Variants in SH3BP4 observed in about 807,000 individuals in gnomAD.
SH3BP4 encodes the protein SH3 domain-binding protein 4.
In SH3BP4, 33 loss-of-function variants were observed where a neutral mutation model predicts 65.5. The observed-to-expected ratio is 0.50, with a 90% CI of 0.38 to 0.67. The LOEUF is 0.67. SH3BP4 is among the 30% of genes least tolerant of loss of function. The pLI is 0.00. For missense variants in SH3BP4, 1,134 were observed against 1,261.4 expected, an observed-to-expected ratio of 0.90 and a Z score of 1.53; for synonymous variants, 552 against 545.5, an observed-to-expected ratio of 1.01 and a Z score of -0.17.
chr2:234,961,191 C>T (rs550527265), intron 1 of SH3BP4, among the ~76,000 whole-genome samples: 199 of 152,292 alleles, frequency 1.3e-3, no homozygotes, highest in African/African-American at 4.6e-3. Flanking sequence ...TGGAGTTGGG[C>T]AGTTTAAATG....
chr2:235,040,960 A>G lies in SH3BP4; in HGVS notation c.191A>G (p.Lys64Arg), dbSNP rs775816572. 5.6e-6 allele frequency: 9 copies of G among 1,614,068 alleles called. No individual in the cohort carries two copies. In the Admixed American group the frequency reaches 1.5e-4, roughly 27 times the overall value. Residue 64 changes from lysine to arginine, a missense_variant, in exon 4 of 6, where the codon AAG becomes AGG. Physicochemically the swap from Lys to Arg is conservative, Grantham distance 26. Coordinates refer to ENST00000392011, the MANE Select transcript of SH3BP4 (RefSeq NM_014521.3). ...AATGCAAAGGAAGTGATTGCGATCA[A>G]GGACTATTGCCCCACCAACTTCACC... ...FGNAKEVIAIKDYCPTNFTTL... is the reference protein window; with the variant it reads ...FGNAKEVIAIRDYCPTNFTTL...
At position 235,026,766 on chromosome 2, in the gene SH3BP4, C is replaced by T. The variant is rs572527985; in HGVS notation, c.-132-8105C>T. Among the ~76,000 whole-genome samples the T allele has an allele frequency of 3.7e-4, 56 of 152,278 alleles. No individual in the cohort carries two copies. Among genetic ancestry groups the T allele is most frequent in the African/African-American group, 1.2e-3 (51 of 41,564 alleles). ...GCGTGGTCTTGGCTCTGAATAACCG[C>T]TGCTACCTCCTAAATTGAACTCAGT... On this transcript the variant is annotated intron_variant, in intron 2 of 5. Coordinates refer to ENST00000392011, the MANE Select transcript of SH3BP4 (RefSeq NM_014521.3). The surrounding 1 kb of genome is among the most constrained non-coding windows in gnomAD (Gnocchi z 4.6).
At chr2:234,986,480 A>T (rs1056692016) in intron 1 of SH3BP4, among the ~76,000 whole-genome samples, 6 of 152,234 alleles carry the variant, frequency 3.9e-5, no homozygotes, top group African/African-American at 1.4e-4. Context: ...CCATGGGAAA[A>T]GGAAATGCAG....
chr2:234,969,949 CCT>C (rs777803192), intron 1 of SH3BP4, among the ~76,000 whole-genome samples: 18 of 148,936 alleles, frequency 1.2e-4, no homozygotes, highest in African/African-American at 4.1e-4. Context: ...ACACACACTC[CCT>C]GTCTCTCACA....
At chr2:234,963,568 G>A (rs1692765431) in intron 1 of SH3BP4, among the ~76,000 whole-genome samples, 1 of 152,204 alleles carries the variant, frequency 6.6e-6, no homozygotes, top group African/African-American at 2.4e-5. Context: ...TAATGTTGAT[G>A]CCTTAAACGC....
At chr2:235,006,246 G>A (rs114348425) in intron 2 of SH3BP4, among the ~76,000 whole-genome samples, 95 of 152,332 alleles carry the variant, frequency 6.2e-4, no homozygotes, top group African/African-American at 2.0e-3. Context: ...TTTGTTCCGC[G>A]AGGATTTTTT....
At chr2:234,954,853 T>C (rs1692552618) in intron 1 of SH3BP4, among the ~76,000 whole-genome samples, 1 of 152,088 alleles carries the variant, frequency 6.6e-6, no homozygotes, top group Non-Finnish European at 1.5e-5. Flanking sequence ...TACAGAGCCC[T>C]TGACCCAAAC....
Position 234,952,541 on chromosome 2 carries a change from A to C in SH3BP4, c.-207+371A>C, listed in dbSNP as rs1692496529. Among the ~76,000 whole-genome samples, 1 of 150,790 alleles carries C rather than the reference A, an allele frequency of 6.6e-6. No individual in the cohort carries two copies. Among genetic ancestry groups the C allele is most frequent in the Non-Finnish European group, 1.5e-5 (1 of 67,676 alleles). ...CGGGGTGGCCTCCCTGGGCAACCGGACGCGTCCTCGGGCGCAAATCGGGGG... is the reference window on the plus strand; with the variant it reads ...CGGGGTGGCCTCCCTGGGCAACCGGCCGCGTCCTCGGGCGCAAATCGGGGG... On this transcript the variant is annotated intron_variant, in intron 1 of 5. Transcript: ENST00000392011. The surrounding 1 kb of genome is among the most constrained non-coding windows in gnomAD (Gnocchi z 6.5).
intron 2 of SH3BP4, among the ~76,000 whole-genome samples, chr2:235,027,857 T>C (rs1384769179): frequency 6.6e-6 from 1 of 152,260 alleles, no homozygotes; most frequent in Admixed American, 6.5e-5. Context: ...TCTCGTTAGG[T>C]TGGTTTTTCT....
chr2:235,054,072 T>G lies in SH3BP4; in HGVS notation c.*256T>G. The G allele has an allele frequency of 2.3e-6, 1 of 434,232 alleles. No individual in the cohort carries two copies. Among genetic ancestry groups the G allele is most frequent in the East Asian group, 3.7e-5 (1 of 26,840 alleles). The allele number at this position is 434,232 out of a possible 1,614,324, so 26.9% of individuals were successfully genotyped here. ...ATAAATTTAAATTTAAAATCACTTT[T>G]TTAACGAATGGGGGGAAGGGATCTA... On this transcript the variant is annotated 3_prime_UTR_variant, in exon 6 of 6. Coordinates refer to ENST00000392011, the MANE Select transcript of SH3BP4 (RefSeq NM_014521.3).
chr2:234,960,948 G>C (rs1298797500), intron 1 of SH3BP4, among the ~76,000 whole-genome samples: 1 of 152,204 alleles, frequency 6.6e-6, no homozygotes, highest in African/African-American at 2.4e-5. Context: ...CGTTTTCACA[G>C]ACTGCAATAT....
chr2:235,044,059 A>G (rs183031205), intron 4 of SH3BP4, among the ~76,000 whole-genome samples: 33 of 152,372 alleles, frequency 2.2e-4, no homozygotes, highest in Admixed American at 1.2e-3. Flanking sequence ...TAGATTCCCA[A>G]CAGGGTCTCT....
At chr2:235,043,332 G>A (rs1160299960) in intron 4 of SH3BP4, 85 bp downstream of exon 4, 18 of 1,147,290 alleles carry the variant, frequency 1.6e-5, no homozygotes, top group African/African-American at 1.2e-4. Flanking sequence ...GGCGTGGGCC[G>A]TGGTGTCGTA....
intron 2 of SH3BP4, among the ~76,000 whole-genome samples, chr2:234,999,153 G>A (rs1017454228): frequency 3.9e-5 from 6 of 152,212 alleles, no homozygotes; most frequent in African/African-American, 9.6e-5. Flanking sequence ...AGAAAGAAAC[G>A]TGAGCTGCAC....
At chr2:235,014,278 C>T (rs763282016) in intron 2 of SH3BP4, among the ~76,000 whole-genome samples, 2 of 152,138 alleles carry the variant, frequency 1.3e-5, no homozygotes, top group African/African-American at 2.4e-5. Flanking sequence ...GTCCACTCAG[C>T]GAGCGTGGAG....
rs527643179 is a variant in SH3BP4 at position 234,977,671 on chromosome 2, C to G, written c.-206-17632C>G. Among the ~76,000 whole-genome samples, 4 of 152,248 alleles carry G rather than the reference C, an allele frequency of 2.6e-5. No homozygotes were observed. In the East Asian group the frequency reaches 7.8e-4, roughly 30 times the overall value. On this transcript the variant is annotated intron_variant, in intron 1 of 5. Coordinates refer to ENST00000392011, the MANE Select transcript of SH3BP4 (RefSeq NM_014521.3). The surrounding 1 kb of genome is among the most constrained non-coding windows in gnomAD (Gnocchi z 5.1). Reference sequence around the variant, plus strand: ...GAGAGTGTCTCTCCCCCAAAGAGGGCTGGTTCAAGTATGAATATTCACAGC... The same window carrying G: ...GAGAGTGTCTCTCCCCCAAAGAGGGGTGGTTCAAGTATGAATATTCACAGC...
rs1244237117 is a variant in SH3BP4, at chr2:235,055,274, C to T, written c.*1458C>T. 6.6e-6 allele frequency: 1 copy of T among 152,364 alleles called. No homozygotes were observed. Among genetic ancestry groups the T allele is most frequent in the Non-Finnish European group, 1.5e-5 (1 of 68,042 alleles). 9.4% of individuals were successfully genotyped at this position (152,364 alleles called of 1,614,324 possible). A position where few individuals can be genotyped will look rare whatever the true frequency, so the allele number is the denominator to read the frequency against. ...ATTCTCTAAAACTGCTTTCTTGAAA[C>T]ATGTTACTTCCTTAGTATAATCAAT... On this transcript the variant is annotated 3_prime_UTR_variant, in exon 6 of 6. Coordinates refer to ENST00000392011, the MANE Select transcript of SH3BP4 (RefSeq NM_014521.3).
intron 1 of SH3BP4, among the ~76,000 whole-genome samples, chr2:234,970,087 ACACT>A (rs758897120): frequency 8.3e-4 from 126 of 151,820 alleles, no homozygotes; most frequent in Admixed American, 2.0e-3. Flanking sequence ...TCACTCACAC[ACACT>A]CACAAATACA....
intron 2 of SH3BP4, among the ~76,000 whole-genome samples, chr2:235,022,090 CAAAG>C (rs1694860570): frequency 6.6e-6 from 1 of 152,120 alleles, no homozygotes; most frequent in African/African-American, 2.4e-5. Flanking sequence ...GGGGAAATGA[CAAAG>C]GAAAGATTGA....
Sources: gnomAD v4.1 joint callset for allele counts (sites outside exome capture counted in the v4.1 genomes callset) on GRCh38, gnomAD v4.1.1 for gene constraint, Gnocchi (gnomAD v3.1) non-coding constraint, MANE v1.5 for transcripts, NCBI Gene and HGNC (gene_info 2026-07-23, HGNC 2026-07-21) for gene names.